Variants in PCDHGB1 observed in about 807,000 individuals in gnomAD.
PCDHGB1 encodes protocadherin gamma subfamily B, 1.
A neutral mutation model predicts 56.6 loss-of-function variants in PCDHGB1; 34 were observed. The observed-to-expected ratio is 0.60, with a 90% CI of 0.46 to 0.80. The LOEUF is 0.80. Ranked by LOEUF, PCDHGB1 falls within the 30% of genes least tolerant of loss-of-function variation. The probability of loss-of-function intolerance (pLI) is 0.00; values close to 1 mark genes in which losing one functional copy is unlikely to be tolerated. For missense variants in PCDHGB1, 1,278 were observed against 1,204.6 expected, an observed-to-expected ratio of 1.06 and a Z score of -0.90; for synonymous variants, 561 against 505.9, an observed-to-expected ratio of 1.11 and a Z score of -1.46.
At chr5:141,383,430 C>T in intron 1 of PCDHGB1, 1 of 1,614,016 alleles carries the variant, frequency 6.2e-7, no homozygotes, top group Non-Finnish European at 8.5e-7. Context: ...CCAATCGCCA[C>T]TTCTCCCTGG....
intron 1 of PCDHGB1, among the ~76,000 whole-genome samples, chr5:141,447,747 C>A (rs1164160677): frequency 2.0e-5 from 3 of 152,106 alleles, no homozygotes; most frequent in Non-Finnish European, 4.4e-5. Flanking sequence ...AAGAGTCTTG[C>A]ATGTGACTGT....
intron 1 of PCDHGB1, chr5:141,377,502 A>G (rs1373807437): frequency 6.6e-6 from 1 of 152,050 alleles, no homozygotes. Flanking sequence ...AAGCTCTGAT[A>G]GGAGGATTGC....
intron 1 of PCDHGB1, chr5:141,419,876 C>T (rs1219393740): frequency 1.4e-5 from 23 of 1,614,084 alleles, no homozygotes; most frequent in Non-Finnish European, 1.9e-5. Flanking sequence ...AGAGGTACTG[C>T]CGGATTTCAG....
chr5:141,366,374 A>T, intron 1 of PCDHGB1: 3 of 1,614,052 alleles, frequency 1.9e-6, no homozygotes, highest in South Asian at 2.2e-5. Context: ...CAAGACCCCC[A>T]TTGACCCTGA....
chr5:141,368,121 T>C (rs1431804065), intron 1 of PCDHGB1, among the ~76,000 whole-genome samples: 2 of 152,228 alleles, frequency 1.3e-5, no homozygotes, highest in Non-Finnish European at 2.9e-5. Flanking sequence ...TATTAAAATA[T>C]TCTTAATCCT....
At chr5:141,427,228 T>C (rs2097002884) in intron 1 of PCDHGB1, 1 of 456,550 alleles carries the variant, frequency 2.2e-6, no homozygotes, top group South Asian at 1.5e-5. Context: ...AGTTATACCA[T>C]GAGAGTAGAA....
At chr5:141,374,094 C>T (rs544125570) in intron 1 of PCDHGB1, 19 of 1,555,744 alleles carry the variant, frequency 1.2e-5, no homozygotes, top group Non-Finnish European at 1.7e-5. Flanking sequence ...ATGGCGCCTC[C>T]GCAGAGGCAT....
chr5:141,431,215 CCCTCTACCCCACG>C lies in PCDHGB1; in HGVS notation c.2410-63588_2410-63576del. The C allele has an allele frequency of 6.2e-7, 1 of 1,614,184 alleles. No homozygotes were observed. Among genetic ancestry groups the C allele is most frequent in the Non-Finnish European group, 8.5e-7 (1 of 1,180,048 alleles). On this transcript the variant is annotated intron_variant, in intron 1 of 3. Transcript: ENST00000523390. The surrounding 1 kb of genome is among the most constrained non-coding windows in gnomAD (Gnocchi z 4.8). ...AAAATGCAGCCACTGAGATGCGGTT[CCCTCTACCCCACG>C]CCTGGGATCCGGATATCGGGAAGAA... is the stretch of plus-strand genomic sequence containing the variant.
At chr5:141,407,535 T>C (rs1471174995) in intron 1 of PCDHGB1, among the ~76,000 whole-genome samples, 1 of 151,840 alleles carries the variant, frequency 6.6e-6, no homozygotes, top group Non-Finnish European at 1.5e-5. Context: ...TTATTGTGCA[T>C]TGGTAACAGA....
At chr5:141,370,009 A>G (rs1310003326) in intron 1 of PCDHGB1, among the ~76,000 whole-genome samples, 1 of 152,282 alleles carries the variant, frequency 6.6e-6, no homozygotes, top group Non-Finnish European at 1.5e-5. Flanking sequence ...ATTAAAAGAA[A>G]TAACAGACTA....
At chr5:141,365,339 G>A in intron 1 of PCDHGB1, 7 of 1,613,990 alleles carry the variant, frequency 4.3e-6, no homozygotes, top group Non-Finnish European at 5.1e-6. Context: ...GGTGGTCACA[G>A]TACAGGACGT....
At chr5:141,470,416 A>AT (rs1300623208) in intron 1 of PCDHGB1, among the ~76,000 whole-genome samples, 3 of 152,134 alleles carry the variant, frequency 2.0e-5, no homozygotes, top group African/African-American at 7.2e-5. Flanking sequence ...GATTTTATGT[A>AT]TTTTTTCCTT....
chr5:141,478,148 C>T lies in PCDHGB1; in HGVS notation c.2410-16659C>T, dbSNP rs752958567. ...CTCTCCTGAAGCCCGAGCCGAGTTC[C>T]CCTCTGGCTCTGCCCCCCGGGAGCA... On this transcript the variant is annotated intron_variant, in intron 1 of 3. Coordinates refer to ENST00000523390, the MANE Select transcript of PCDHGB1 (RefSeq NM_018922.3). 3.1e-6 allele frequency: 5 copies of T among 1,613,948 alleles called. No homozygotes were observed. The highest frequency in any genetic ancestry group is 1.6e-4 in the Middle Eastern group (1 of 6,082).
intron 1 of PCDHGB1, chr5:141,387,903 G>A: frequency 6.6e-7 from 1 of 1,506,982 alleles, no homozygotes; most frequent in African/African-American, 1.4e-5. Context: ...CGGCGCCGGG[G>A]AGCTGGGCCG....
intron 1 of PCDHGB1, chr5:141,392,838 AGACGCGGC>A (rs1239948956): frequency 6.2e-7 from 1 of 1,608,522 alleles, no homozygotes; most frequent in South Asian, 1.1e-5. Context: ...GAGTCGCCCC[AGACGCGGC>A]GAGCTGATCC....
intron 1 of PCDHGB1, among the ~76,000 whole-genome samples, chr5:141,381,798 C>CTCTTCCTTTCTT (rs1777449069): frequency 6.9e-6 from 1 of 144,134 alleles, no homozygotes; most frequent in African/African-American, 2.7e-5. Flanking sequence ...AGGCAATTCC[C>CTCTTCCTTTCTT]TCTTTCTTTC....
intron 1 of PCDHGB1, chr5:141,423,883 A>T (rs1211746978): frequency 1.6e-6 from 2 of 1,283,342 alleles, no homozygotes; most frequent in Admixed American, 7.5e-5. Context: ...CAATCTTGGC[A>T]TATTTTCTTT....
intron 1 of PCDHGB1, among the ~76,000 whole-genome samples, chr5:141,406,328 C>T (rs1235799294): frequency 1.3e-5 from 2 of 152,062 alleles, no homozygotes; most frequent in Non-Finnish European, 2.9e-5. Context: ...ATTCTTACTC[C>T]TACGATCATT....
chr5:141,454,779 A>G (rs1387404898), intron 1 of PCDHGB1, among the ~76,000 whole-genome samples: 2 of 146,092 alleles, frequency 1.4e-5, no homozygotes, highest in African/African-American at 2.6e-5. Context: ...ACAAGGAAAT[A>G]ATCCTCCATG....
Sources: allele counts gnomAD v4.1 joint callset (sites outside exome capture counted in the v4.1 genomes callset), GRCh38; gene constraint gnomAD v4.1.1; non-coding constraint Gnocchi (gnomAD v3.1); transcripts MANE v1.5; gene names NCBI Gene and HGNC (gene_info 2026-07-23, HGNC 2026-07-21).